PCGF5: variants seen among roughly 807,000 people sequenced by gnomAD.
The protein encoded by PCGF5 is polycomb group ring finger 5.
PCGF5 carries 9 observed loss-of-function variants against 44.3 expected under a neutral mutation model. The observed-to-expected ratio is 0.20, with a 90% CI of 0.12 to 0.35. The LOEUF (loss-of-function observed/expected upper bound fraction) is 0.35. Ranked by LOEUF, PCGF5 falls within the 10% of genes least tolerant of loss-of-function variation. PCGF5 has a pLI of 1.00. For missense variants in PCGF5, 146 were observed against 305.3 expected, an observed-to-expected ratio of 0.48 and a Z score of 3.89; for synonymous variants, 95 against 102.5, an observed-to-expected ratio of 0.93 and a Z score of 0.44.
intron 1 of PCGF5, among the ~76,000 whole-genome samples, chr10:91,163,985 A>G (rs1418980082): frequency 6.6e-6 from 1 of 152,206 alleles, no homozygotes; most frequent in Non-Finnish European, 1.5e-5. Context: ...ACTTTGAAAC[A>G]TTTGTTTAAT....
At chr10:91,163,592 A>G (rs1217608238) in intron 1 of PCGF5, among the ~76,000 whole-genome samples, 1 of 151,924 alleles carries the variant, frequency 6.6e-6, no homozygotes, top group African/African-American at 2.4e-5. Flanking sequence ...CCCGGCGCCT[A>G]GTTTGGGGGC....
chr10:91,177,288 C>A (rs12265514), intron 1 of PCGF5, among the ~76,000 whole-genome samples: 54,288 of 151,788 alleles, frequency 0.36, 10,504 homozygotes, highest in East Asian at 0.52. Flanking sequence ...GAGGGGTACC[C>A]GGCTGTGTGA....
chr10:91,161,074 C>T (rs999945743), upstream of PCGF5, among the ~76,000 whole-genome samples: 37 of 152,226 alleles, frequency 2.4e-4, no homozygotes, highest in Non-Finnish European at 4.8e-4. Context: ...TCATCCCCTA[C>T]TTTGGAAGAT....
chr10:91,163,097 G>C (rs968661874), intron 1 of PCGF5: 1 of 149,616 alleles, frequency 6.7e-6, no homozygotes, highest in African/African-American at 2.4e-5. Flanking sequence ...GGCGATGCGC[G>C]GGGACCCAGG....
At chr10:91,168,890 T>TGGACTCCAGCCTGGGCGACAGTGTG (rs1843551005) in intron 1 of PCGF5, among the ~76,000 whole-genome samples, 1 of 128,626 alleles carries the variant, frequency 7.8e-6, no homozygotes, top group East Asian at 2.2e-4. Flanking sequence ...ATTGCACCAT[T>TGGACTCCAGCCTGGGCGACAGTGTG]GGACTCCAGC....
chr10:91,185,798 C>T (rs922310906), intron 1 of PCGF5, among the ~76,000 whole-genome samples: 3 of 152,118 alleles, frequency 2.0e-5, no homozygotes, highest in African/African-American at 7.2e-5. Context: ...CACATTCACT[C>T]CCTGCTTCCC....
chr10:91,278,446 C>T lies in PCGF5; in HGVS notation c.*130C>T. ...TTCAGCATGCAAATAAGGCCATTGT[C>T]TATCTCTAAATTGTCAGTTGCATTC... is the stretch of plus-strand genomic sequence containing the variant. On this transcript the variant is annotated 3_prime_UTR_variant, in exon 10 of 10. Coordinates refer to ENST00000336126, the MANE Select transcript of PCGF5 (RefSeq NM_032373.5). 1 of 798,466 alleles carries T rather than the reference C, an allele frequency of 1.3e-6. No homozygotes were observed. Among genetic ancestry groups the T allele is most frequent in the African/African-American group, 1.7e-5 (1 of 58,432 alleles). 49.5% of individuals were successfully genotyped at this position (798,466 alleles called of 1,614,324 possible).
At chr10:91,188,394 G>A (rs1036163714) in intron 1 of PCGF5, among the ~76,000 whole-genome samples, 1 of 152,114 alleles carries the variant, frequency 6.6e-6, no homozygotes, top group Non-Finnish European at 1.5e-5. Context: ...TTCAAATGTT[G>A]TTTTATTATT....
intron 3 of PCGF5, among the ~76,000 whole-genome samples, chr10:91,245,629 G>C (rs1321644260): frequency 6.6e-6 from 1 of 152,132 alleles, no homozygotes; most frequent in Non-Finnish European, 1.5e-5. Flanking sequence ...CAATCTCACA[G>C]CCTAAGAGGA....
chr10:91,204,059 C>T (rs981077849), intron 1 of PCGF5, among the ~76,000 whole-genome samples: 3 of 152,084 alleles, frequency 2.0e-5, no homozygotes, highest in Admixed American at 6.5e-5. Flanking sequence ...TATCTGTAAC[C>T]AGAACTACAG....
chr10:91,179,554 A>G (rs1843780975), intron 1 of PCGF5, among the ~76,000 whole-genome samples: 1 of 152,044 alleles, frequency 6.6e-6, no homozygotes, highest in Non-Finnish European at 1.5e-5. Context: ...GTGTGTCCAT[A>G]TGTTCTCATC....
At chr10:91,273,078 G>A (rs1312148021) in intron 9 of PCGF5, among the ~76,000 whole-genome samples, 2 of 152,200 alleles carry the variant, frequency 1.3e-5, no homozygotes, top group East Asian at 1.9e-4. Flanking sequence ...TCATTAAAAT[G>A]TGTGCTTTTT....
intron 9 of PCGF5, among the ~76,000 whole-genome samples, chr10:91,272,688 G>A (rs1471473498): frequency 6.6e-6 from 1 of 152,068 alleles, no homozygotes; most frequent in Non-Finnish European, 1.5e-5. Context: ...CGGGAGGGTC[G>A]CTTGAGCCCA....
chr10:91,240,201 T>A (rs930218568), intron 2 of PCGF5, among the ~76,000 whole-genome samples: 2 of 152,226 alleles, frequency 1.3e-5, no homozygotes, highest in Non-Finnish European at 2.9e-5. Context: ...ATACACCAGC[T>A]TTTTTAGTTT....
chr10:91,232,773 A>AGT (rs145873805), intron 2 of PCGF5, among the ~76,000 whole-genome samples: 6 of 151,970 alleles, frequency 3.9e-5, no homozygotes, highest in African/African-American at 1.5e-4. Flanking sequence ...TCAGTAAAAT[A>AGT]GAGGTCCTCA....
At chr10:91,276,757 T>G (rs927336839) in intron 9 of PCGF5, among the ~76,000 whole-genome samples, 1 of 152,204 alleles carries the variant, frequency 6.6e-6, no homozygotes, top group African/African-American at 2.4e-5. Flanking sequence ...GAGTGGCTTA[T>G]GTATTTGCAG....
At chr10:91,215,783 T>C (rs1043942655), upstream of PCGF5, among the ~76,000 whole-genome samples, 6 of 152,266 alleles carry the variant, frequency 3.9e-5, no homozygotes, top group Admixed American at 1.3e-4. Flanking sequence ...GTGCTGCTGC[T>C]TTCAACTAGA....
In PCGF5 at chr10:91,280,381, C is replaced by G. The variant is rs1039399560; in HGVS notation, c.*2065C>G. 3.3e-5 allele frequency: 5 copies of G among 152,216 alleles called. No individual in the cohort carries two copies. The highest frequency in any genetic ancestry group is 7.4e-5 in the Non-Finnish European group (5 of 67,880). 9.4% of individuals were successfully genotyped at this position (152,216 alleles called of 1,614,324 possible). On this transcript the variant is annotated 3_prime_UTR_variant, in exon 10 of 10. Transcript: ENST00000336126. ...CTTAATGGTCATAAATGAATTTTAT[C>G]TACAAAATCTCTTTAAATTTGGCTG...
intron 2 of PCGF5, among the ~76,000 whole-genome samples, chr10:91,226,702 AG>A (rs148448372): frequency 0.025 from 3,762 of 152,234 alleles, 163 homozygotes; most frequent in African/African-American, 0.087. Flanking sequence ...TATAGAAAGA[AG>A]GGCCCAAAAG....
Sources: gnomAD v4.1 joint callset for allele counts (sites outside exome capture counted in the v4.1 genomes callset) on GRCh38, gnomAD v4.1.1 for gene constraint, MANE v1.5 for transcripts, NCBI Gene and HGNC (gene_info 2026-07-23, HGNC 2026-07-21) for gene names.